Variants in ATP8B4 observed in about 807,000 individuals in gnomAD.
The protein encoded by ATP8B4 is probable phospholipid-transporting ATPase IM.
ATP8B4 carries 133 observed loss-of-function variants against 145.6 expected under a neutral mutation model. That is an observed-to-expected ratio of 0.91 (90% CI 0.79 to 1.05). The LOEUF is 1.05. ATP8B4 is among the 50% of genes least tolerant of loss of function. The probability of loss-of-function intolerance (pLI) is 0.00; values close to 1 mark genes in which losing one functional copy is unlikely to be tolerated. For synonymous variants in ATP8B4, 507 were observed against 492.9 expected (o/e 1.03, Z -0.38); for missense variants, 1,458 against 1,425.2 (o/e 1.02, Z -0.37).
chr15:49,927,311 G>A (rs1487177991), intron 16 of ATP8B4, among the ~76,000 whole-genome samples: 1 of 152,030 alleles, frequency 6.6e-6, no homozygotes, highest in Non-Finnish European at 1.5e-5. Context: ...CAAAAACAAG[G>A]AAGCAGAAGA....
In ATP8B4 at chr15:50,172,755, GC is replaced by G. The variant is rs1410206116; in HGVS notation, c.-43+9505del. On this transcript the variant is annotated intron_variant, in intron 1 of 3. Transcript: ENST00000558829. ...ATGTGGGGAGCGCCTCTGCCCCGCC[GC>G]CCCGTCTGAGATGTGAAGAGCGCCT... Among the ~76,000 whole-genome samples the G allele has an allele frequency of 6.7e-5, 10 of 149,318 alleles. No homozygotes were observed. The East Asian group carries it at 2.0e-3, about 30-fold the overall frequency.
At chr15:49,986,290 G>A (rs1046950733) in intron 10 of ATP8B4, among the ~76,000 whole-genome samples, 2 of 152,054 alleles carry the variant, frequency 1.3e-5, no homozygotes, top group African/African-American at 4.8e-5. Context: ...AAATCAGGAG[G>A]GTATTTCCCA....
At chr15:50,062,804 C>T (rs1187501231) in intron 3 of ATP8B4, among the ~76,000 whole-genome samples, 1 of 152,128 alleles carries the variant, frequency 6.6e-6, no homozygotes, top group Non-Finnish European at 1.5e-5. Flanking sequence ...TCCTTTAGCT[C>T]ATTTTCTCAC....
At chr15:50,042,103 C>T (rs1261631395) in intron 5 of ATP8B4, among the ~76,000 whole-genome samples, 1 of 150,776 alleles carries the variant, frequency 6.6e-6, no homozygotes, top group South Asian at 2.1e-4. Context: ...TGCAGTGAGC[C>T]GAGATCATGC....
chr15:49,937,566 G>C (rs2153473617), intron 14 of ATP8B4, among the ~76,000 whole-genome samples: 1 of 152,174 alleles, frequency 6.6e-6, no homozygotes, highest in East Asian at 1.9e-4. Context: ...TACGTACCAA[G>C]CACTTTTCTA....
chr15:49,996,602 T>G lies in ATP8B4; in HGVS notation c.589+75A>C, dbSNP rs1399679909. 3.4e-6 allele frequency: 4 copies of G among 1,168,002 alleles called. No homozygotes were observed. In the East Asian group the frequency reaches 1.0e-4, roughly 30 times the overall value. The allele number at this position is 1,168,002 out of a possible 1,614,324, so 72.4% of individuals were successfully genotyped here. The stretch of plus-strand genomic sequence containing the variant: ...CCACCAAATAAAAAGAAACATAAAT[T>G]GGATCTCACATTACTTTGTTGCATT... On this transcript the variant is annotated intron_variant, in intron 9 of 27. Coordinates refer to ENST00000284509, the MANE Select transcript of ATP8B4 (RefSeq NM_024837.4).
chr15:49,992,706 A>G (rs2047134391), intron 9 of ATP8B4, among the ~76,000 whole-genome samples: 1 of 152,250 alleles, frequency 6.6e-6, no homozygotes, highest in Non-Finnish European at 1.5e-5. Flanking sequence ...GGTGCTAGAG[A>G]AAGTATTTTG....
intron 6 of ATP8B4, among the ~76,000 whole-genome samples, chr15:50,031,156 T>C (rs74613648): frequency 0.017 from 2,590 of 152,304 alleles, 78 homozygotes; most frequent in African/African-American, 0.06. Flanking sequence ...AGACCACTCT[T>C]TGTAGCTTGC....
chr15:49,960,904 G>T (rs902814625), intron 14 of ATP8B4, among the ~76,000 whole-genome samples: 10 of 152,090 alleles, frequency 6.6e-5, no homozygotes, highest in Non-Finnish European at 1.2e-4. Context: ...AGGCTGAGGC[G>T]GGTGGATCAC....
chr15:50,080,097 G>C (rs2054445090), intron 2 of ATP8B4, among the ~76,000 whole-genome samples: 1 of 152,132 alleles, frequency 6.6e-6, no homozygotes, highest in Non-Finnish European at 1.5e-5. Context: ...TAGAAAAATA[G>C]ATAAGTAAGC....
chr15:49,935,664 A>G (rs2041671970), intron 14 of ATP8B4, among the ~76,000 whole-genome samples: 1 of 152,044 alleles, frequency 6.6e-6, no homozygotes. Flanking sequence ...AGAGAAAATT[A>G]CTCTCAAACT....
intron 4 of ATP8B4, among the ~76,000 whole-genome samples, chr15:50,045,358 T>G (rs1448600955): frequency 6.6e-6 from 1 of 152,190 alleles, no homozygotes; most frequent in Non-Finnish European, 1.5e-5. Flanking sequence ...AATTTGAAAC[T>G]AGGTCTCTTG....
chr15:50,108,885 C>T (rs1211225899), intron 1 of ATP8B4, among the ~76,000 whole-genome samples: 2 of 152,178 alleles, frequency 1.3e-5, no homozygotes, highest in African/African-American at 2.4e-5. Flanking sequence ...TAATGCCTGT[C>T]TGGCACGTAG....
chr15:50,002,712 A>C (rs28433287), intron 7 of ATP8B4, among the ~76,000 whole-genome samples: 2,985 of 152,226 alleles, frequency 0.02, 113 homozygotes, highest in African/African-American at 0.069. Flanking sequence ...GTTAAGAAAG[A>C]GATAAAGATG....
rs1055287829 is a variant in ATP8B4 at position 49,931,440 on chromosome 15, C to G, written c.1454-133G>C. Reference sequence around the variant, plus strand: ...CTAAAAATCTTTCCTGTCCTCAGATCTTTTCTACTCACCAACAGCTCAATC... The same window carrying G: ...CTAAAAATCTTTCCTGTCCTCAGATGTTTTCTACTCACCAACAGCTCAATC... On this transcript the variant is annotated intron_variant, in intron 15 of 27. Coordinates refer to ENST00000284509, the MANE Select transcript of ATP8B4 (RefSeq NM_024837.4). The G allele has an allele frequency of 1.1e-5, 9 of 816,902 alleles. No homozygotes were observed. In the African/African-American group the frequency reaches 1.2e-4, roughly 11 times the overall value. The allele number at this position is 816,902 out of a possible 1,614,324, so 50.6% of individuals were successfully genotyped here.
At chr15:50,131,173 A>AGAT (rs2057343428) in intron 1 of ATP8B4, among the ~76,000 whole-genome samples, 2 of 152,184 alleles carry the variant, frequency 1.3e-5, no homozygotes, top group South Asian at 2.1e-4. Context: ...TCTCTCCTTG[A>AGAT]CACATGGGGA....
chr15:50,019,068 A>G (rs1424034872), intron 6 of ATP8B4: 2 of 601,762 alleles, frequency 3.3e-6, no homozygotes, highest in Non-Finnish European at 5.5e-6. Context: ...AGGAAATTTT[A>G]TAGTAAGACT....
At chr15:50,038,133 TAAG>T (rs957756465) in intron 6 of ATP8B4, among the ~76,000 whole-genome samples, 38 of 151,728 alleles carry the variant, frequency 2.5e-4, no homozygotes, top group African/African-American at 7.3e-4. Context: ...AAAAAGAGAG[TAAG>T]AAATGATGGA....
intron 2 of ATP8B4, among the ~76,000 whole-genome samples, chr15:50,089,620 C>T (rs1476773804): frequency 6.6e-6 from 1 of 151,926 alleles, no homozygotes; most frequent in African/African-American, 2.4e-5. Flanking sequence ...GTCAAGAAAC[C>T]ACAGATGCTA....
Sources: allele counts gnomAD v4.1 joint callset (sites outside exome capture counted in the v4.1 genomes callset), GRCh38; gene constraint gnomAD v4.1.1; transcripts MANE v1.5; gene names NCBI Gene and HGNC (gene_info 2026-07-23, HGNC 2026-07-21).